Variants in RNF150 observed in about 807,000 individuals in gnomAD.
RNF150 encodes ring finger protein 150.
A neutral mutation model predicts 39.3 loss-of-function variants in RNF150; 24 were observed. The observed-to-expected ratio is 0.61, with a 90% CI of 0.44 to 0.86. The LOEUF (loss-of-function observed/expected upper bound fraction) is 0.86. Ranked by LOEUF, RNF150 falls within the 40% of genes least tolerant of loss-of-function variation. RNF150 has a pLI of 0.00. For synonymous variants in RNF150, 255 were observed against 227.3 expected, an observed-to-expected ratio of 1.12 and a Z score of -1.10; for missense variants, 502 against 587.8, an observed-to-expected ratio of 0.85 and a Z score of 1.51.
At chr4:141,081,051 T>C (rs1204534654) in intron 1 of RNF150, among the ~76,000 whole-genome samples, 1 of 152,198 alleles carries the variant, frequency 6.6e-6, no homozygotes, top group Non-Finnish European at 1.5e-5. Flanking sequence ...TACTTTTGGA[T>C]AAGTGGCCAG....
chr4:141,186,140 G>A (rs1167014819), intron 1 of RNF150, among the ~76,000 whole-genome samples: 2 of 152,160 alleles, frequency 1.3e-5, no homozygotes, highest in African/African-American at 2.4e-5. Flanking sequence ...GGTAGAATTC[G>A]GCTGGGAATC....
At chr4:140,969,756 C>T (rs1278667160) in intron 1 of RNF150, among the ~76,000 whole-genome samples, 34 of 75,956 alleles carry the variant, frequency 4.5e-4, no homozygotes, top group Non-Finnish European at 4.2e-4. Context: ...ACAAGTTTTA[C>T]TTTTTTTTTT....
chr4:141,110,567 C>G (rs552754954), intron 1 of RNF150, among the ~76,000 whole-genome samples: 1 of 139,160 alleles, frequency 7.2e-6, no homozygotes, highest in Non-Finnish European at 1.5e-5. Context: ...GTCCATGCCA[C>G]CACACCTAAT....
chr4:140,879,482 A>T (rs1490541997), intron 6 of RNF150, among the ~76,000 whole-genome samples: 1 of 152,062 alleles, frequency 6.6e-6, no homozygotes. Context: ...TACTTTTTTG[A>T]TGCTATCATA....
rs1004942845 is a variant in RNF150, at chr4:141,132,904, C to T, written c.-96G>A. 3 of 1,026,548 alleles carry T rather than the reference C, an allele frequency of 2.9e-6. No homozygotes were observed. The highest frequency in any genetic ancestry group is 1.6e-5 in the African/African-American group (1 of 60,662). 63.6% of individuals were successfully genotyped at this position (1,026,548 alleles called of 1,614,324 possible). A position where few individuals can be genotyped will look rare whatever the true frequency, so the allele number is the denominator to read the frequency against. ...CCAACCCCGGGCCGCTGCCTCTCCTCCTGCTGCTGCTCACTCCCGGGCCGG... is the reference window on the plus strand; with the variant it reads ...CCAACCCCGGGCCGCTGCCTCTCCTTCTGCTGCTGCTCACTCCCGGGCCGG... On this transcript the variant is annotated 5_prime_UTR_variant, in exon 1 of 7. Transcript: ENST00000515673. This position sits in a 1 kb window ranked among gnomAD's most constrained non-coding sequence, Gnocchi z 4.9.
chr4:141,059,172 C>T (rs1166767990), intron 1 of RNF150, among the ~76,000 whole-genome samples: 1 of 152,202 alleles, frequency 6.6e-6, no homozygotes, highest in Non-Finnish European at 1.5e-5. Flanking sequence ...GTCTTTCCTA[C>T]AGGACCCATT....
At chr4:141,114,047 G>A (rs1396689337) in intron 1 of RNF150, among the ~76,000 whole-genome samples, 3 of 152,108 alleles carry the variant, frequency 2.0e-5, no homozygotes, top group South Asian at 4.1e-4. Flanking sequence ...ATGCCCACAG[G>A]AGAAAGCAGG....
intron 1 of RNF150, among the ~76,000 whole-genome samples, chr4:141,087,214 C>T (rs1178178696): frequency 6.6e-6 from 1 of 152,130 alleles, no homozygotes; most frequent in Non-Finnish European, 1.5e-5. Context: ...TTAGCTCGCA[C>T]TTATAAGTTA....
At chr4:140,942,034 T>A (rs567051806) in intron 4 of RNF150, among the ~76,000 whole-genome samples, 1 of 152,212 alleles carries the variant, frequency 6.6e-6, no homozygotes, top group Non-Finnish European at 1.5e-5. Flanking sequence ...CAGAGTTTCA[T>A]GTTGGAGGTT....
At chr4:141,048,955 G>A (rs934472327) in intron 1 of RNF150, among the ~76,000 whole-genome samples, 5 of 152,174 alleles carry the variant, frequency 3.3e-5, no homozygotes, top group African/African-American at 1.2e-4. Flanking sequence ...AAGGTTGGCA[G>A]TGAGAGCAGC....
chr4:141,020,547 TC>T (rs1425523002), intron 1 of RNF150, among the ~76,000 whole-genome samples: 1 of 152,174 alleles, frequency 6.6e-6, no homozygotes, highest in Admixed American at 6.5e-5. Flanking sequence ...AAAACACTGT[TC>T]TTTTGTTTAT....
intron 6 of RNF150, among the ~76,000 whole-genome samples, chr4:140,892,700 C>T (rs551797979): frequency 2.9e-5 from 4 of 136,290 alleles, no homozygotes; most frequent in Non-Finnish European, 4.4e-5. Context: ...GGGATGTCGG[C>T]GACTTCTTGG....
chr4:140,988,025 G>GAGAAATGCAAATC (rs1734069442), intron 1 of RNF150, among the ~76,000 whole-genome samples: 1 of 152,168 alleles, frequency 6.6e-6, no homozygotes, highest in African/African-American at 2.4e-5. Flanking sequence ...CTGATCATTA[G>GAGAAATGCAAATC]AGAAATGCAA....
At chr4:141,107,994 T>A (rs1172809363) in intron 1 of RNF150, among the ~76,000 whole-genome samples, 1 of 152,224 alleles carries the variant, frequency 6.6e-6, no homozygotes, top group Non-Finnish European at 1.5e-5. Flanking sequence ...ACAATTCCAA[T>A]GGTTCACATT....
intron 1 of RNF150, among the ~76,000 whole-genome samples, chr4:141,192,917 G>C (rs185747098): frequency 6.6e-6 from 1 of 152,128 alleles, no homozygotes; most frequent in African/African-American, 2.4e-5. Flanking sequence ...TGGCTAGAAG[G>C]CACTTTTGCC....
At chr4:141,089,913 G>C (rs780404811) in intron 1 of RNF150, among the ~76,000 whole-genome samples, 13 of 152,176 alleles carry the variant, frequency 8.5e-5, no homozygotes, top group Admixed American at 3.9e-4. Context: ...GTAACACATC[G>C]ATGCCACCAC....
chr4:140,899,517 G>T (rs1203560045), intron 6 of RNF150, among the ~76,000 whole-genome samples: 2 of 152,132 alleles, frequency 1.3e-5, no homozygotes, highest in African/African-American at 4.8e-5. Context: ...TCTGGGTGAT[G>T]AGCCAAGGCT....
intron 6 of RNF150, among the ~76,000 whole-genome samples, chr4:140,891,885 G>T (rs557609874): frequency 1.8e-4 from 28 of 152,172 alleles, no homozygotes; most frequent in African/African-American, 6.3e-4. Context: ...GCATATGAGG[G>T]ATCTAGGCTG....
At chr4:141,147,152 A>G (rs1727218658) in intron 1 of RNF150, among the ~76,000 whole-genome samples, 2 of 152,174 alleles carry the variant, frequency 1.3e-5, no homozygotes, top group South Asian at 2.1e-4. Flanking sequence ...ACAGGATCTC[A>G]CTATGTTGCC....
Sources: allele counts gnomAD v4.1 joint callset (sites outside exome capture counted in the v4.1 genomes callset), GRCh38; gene constraint gnomAD v4.1.1; non-coding constraint Gnocchi (gnomAD v3.1); transcripts MANE v1.5; gene names NCBI Gene and HGNC (gene_info 2026-07-23, HGNC 2026-07-21).